Variants in SEM1 observed in about 807,000 individuals in gnomAD.
SEM1 encodes 26S proteasome complex subunit SEM1.
SEM1 carries 3 observed loss-of-function variants against 12.7 expected under a neutral mutation model. The observed-to-expected ratio is 0.24, with a 90% CI of 0.11 to 0.61. SEM1 has a LOEUF of 0.61. Among genes scored for constraint, SEM1 ranks in the 20% least tolerant of loss-of-function variants. The pLI is 0.88. For missense variants in SEM1, 59 were observed against 81.3 expected (o/e 0.73, Z 1.06); for synonymous variants, 30 against 27.8 (o/e 1.08, Z -0.25).
chr7:96,486,780 G>A (rs1413070209), intron 1 of SEM1, among the ~76,000 whole-genome samples: 1 of 152,136 alleles, frequency 6.6e-6, no homozygotes, highest in Non-Finnish European at 1.5e-5. Flanking sequence ...AACTTTTCTG[G>A]GATGGGTGTG....
At chr7:96,549,838 T>C (rs1193825713) in intron 2 of SEM1, among the ~76,000 whole-genome samples, 1 of 152,208 alleles carries the variant, frequency 6.6e-6, no homozygotes, top group Non-Finnish European at 1.5e-5. Context: ...CAGGTCCAGA[T>C]TGTTACATTG....
At chr7:96,678,936 T>C (rs560445996) in intron 2 of SEM1, among the ~76,000 whole-genome samples, 1 of 152,260 alleles carries the variant, frequency 6.6e-6, no homozygotes, top group Middle Eastern at 3.4e-3. Flanking sequence ...CTTGGTCTAG[T>C]CCCTACATTA....
At chr7:96,707,768 A>G (rs1790515164) in intron 1 of SEM1, among the ~76,000 whole-genome samples, 1 of 152,244 alleles carries the variant, frequency 6.6e-6, no homozygotes, top group Admixed American at 6.5e-5. Flanking sequence ...GCTGAAAAAA[A>G]TCAAGTGTAC....
At chr7:96,528,245 G>A (rs1166117577) in intron 2 of SEM1, among the ~76,000 whole-genome samples, 2 of 152,154 alleles carry the variant, frequency 1.3e-5, no homozygotes, top group African/African-American at 4.8e-5. Flanking sequence ...CCAGGCTGGA[G>A]TACAGTGGCG....
At chr7:96,544,742 T>C (rs1479962341) in intron 2 of SEM1, among the ~76,000 whole-genome samples, 1 of 152,008 alleles carries the variant, frequency 6.6e-6, no homozygotes, top group Admixed American at 6.6e-5. Context: ...TATAATATAC[T>C]ATATTCCTAC....
At chr7:96,699,582 T>A (rs1790207195) in intron 1 of SEM1, among the ~76,000 whole-genome samples, 1 of 152,198 alleles carries the variant, frequency 6.6e-6, no homozygotes, top group African/African-American at 2.4e-5. Context: ...ACAATATACA[T>A]ACACATTTAT....
At chr7:96,616,536 G>GA (rs1413438565) in intron 2 of SEM1, among the ~76,000 whole-genome samples, 1 of 152,054 alleles carries the variant, frequency 6.6e-6, no homozygotes. Context: ...TTGCTGTGAA[G>GA]AAGCTTTTTA....
chr7:96,622,815 G>A, intron 2 of SEM1: 1 of 545,682 alleles, frequency 1.8e-6, no homozygotes, highest in East Asian at 2.8e-5. Context: ...ATTTTCAAAG[G>A]AAGCAGGGAA....
downstream of SEM1, chr7:96,688,669 T>C (rs1056743805): frequency 2.5e-5 from 7 of 277,666 alleles, no homozygotes; most frequent in Non-Finnish European, 4.6e-5. Context: ...AATTTCATAA[T>C]ATGAAATTTT....
chr7:96,585,035 A>G (rs1433089757), intron 2 of SEM1, among the ~76,000 whole-genome samples: 5 of 151,478 alleles, frequency 3.3e-5, no homozygotes, highest in Non-Finnish European at 5.9e-5. Flanking sequence ...TTGGAGAAGG[A>G]GAGGCGCTCT....
chr7:96,496,389 A>G, upstream of SEM1: 1 of 926,454 alleles, frequency 1.1e-6, no homozygotes, highest in South Asian at 1.6e-5. Flanking sequence ...AAGAGTGTAA[A>G]GCCAAACTTC....
intron 2 of SEM1, among the ~76,000 whole-genome samples, chr7:96,637,633 ACT>A (rs1341078585): frequency 6.6e-6 from 1 of 151,904 alleles, no homozygotes; most frequent in African/African-American, 2.4e-5. Context: ...GGCCCAGTTC[ACT>A]CTCAGTTTAA....
intron 1 of SEM1, among the ~76,000 whole-genome samples, chr7:96,699,010 A>G (rs948806288): frequency 4.6e-5 from 7 of 152,120 alleles, no homozygotes; most frequent in Non-Finnish European, 8.8e-5. Flanking sequence ...TAAAATTTAC[A>G]AAAACCATTA....
intron 1 of SEM1, among the ~76,000 whole-genome samples, chr7:96,493,047 C>G (rs1459333428): frequency 6.6e-6 from 1 of 152,130 alleles, no homozygotes; most frequent in Non-Finnish European, 1.5e-5. Context: ...AATCTCGGCT[C>G]ACTGCAACCT....
At chr7:96,544,754 ATAAAC>A (rs1805056754) in intron 2 of SEM1, among the ~76,000 whole-genome samples, 1 of 152,016 alleles carries the variant, frequency 6.6e-6, no homozygotes, top group African/African-American at 2.4e-5. Flanking sequence ...TATTCCTACA[ATAAAC>A]TAAGCTAGAG....
intron 3 of SEM1, among the ~76,000 whole-genome samples, chr7:96,502,463 C>T (rs1030805626): frequency 2.6e-5 from 4 of 152,106 alleles, no homozygotes; most frequent in African/African-American, 9.7e-5. Flanking sequence ...GTACCACTTA[C>T]CAGTTATAAG....
chr7:96,631,018 G>C (rs1352330279), intron 2 of SEM1, among the ~76,000 whole-genome samples: 1 of 152,202 alleles, frequency 6.6e-6, no homozygotes, highest in African/African-American at 2.4e-5. Context: ...GCAAAACAAA[G>C]TTTTCCACAT....
intron 2 of SEM1, among the ~76,000 whole-genome samples, chr7:96,542,078 CT>C (rs1184397284): frequency 6.8e-6 from 1 of 147,862 alleles, no homozygotes; most frequent in Non-Finnish European, 1.5e-5. Context: ...CATTTGGGCT[CT>C]TTTTTTGGGG....
At chr7:96,698,551 T>C (rs1159318967) in intron 1 of SEM1, among the ~76,000 whole-genome samples, 1 of 152,164 alleles carries the variant, frequency 6.6e-6, no homozygotes. Context: ...TTGTTGACAA[T>C]GATGGTTTCC....
Sources: allele counts gnomAD v4.1 joint callset (sites outside exome capture counted in the v4.1 genomes callset), GRCh38; gene constraint gnomAD v4.1.1; transcripts MANE v1.5; gene names NCBI Gene and HGNC (gene_info 2026-07-23, HGNC 2026-07-21).